Variants in FARS2 observed in about 807,000 individuals in gnomAD.
FARS2 encodes the protein phenylalanine--tRNA ligase, mitochondrial.
Under a neutral mutation model 46.4 loss-of-function variants are expected in FARS2, and 40 were observed. The observed-to-expected ratio is 0.86, with a 90% CI of 0.67 to 1.12. The LOEUF is 1.12. Among genes scored for constraint, FARS2 ranks in the 50% most tolerant of loss-of-function variants. FARS2 has a pLI of 0.00. For missense variants in FARS2, 513 were observed against 567.9 expected (o/e 0.90, Z 0.98); for synonymous variants, 234 against 214.9 (o/e 1.09, Z -0.78).
At chr6:5,318,385 A>AC (rs1769699206) in intron 1 of FARS2, among the ~76,000 whole-genome samples, 1 of 116,558 alleles carries the variant, frequency 8.6e-6, no homozygotes, top group Non-Finnish European at 1.8e-5. Context: ...GCAAAAAAAA[A>AC]CCAAAAAAAA....
At chr6:5,588,118 G>T (rs1034323991) in intron 5 of FARS2, among the ~76,000 whole-genome samples, 1 of 151,834 alleles carries the variant, frequency 6.6e-6, no homozygotes, top group African/African-American at 2.4e-5. Flanking sequence ...TAAAACATGG[G>T]TCCTTGTTCT....
chr6:5,373,722 G>A (rs1465795785), intron 2 of FARS2, among the ~76,000 whole-genome samples: 1 of 152,012 alleles, frequency 6.6e-6, no homozygotes, highest in Non-Finnish European at 1.5e-5. Flanking sequence ...GTAGCAGTAG[G>A]CCCATGTATC....
chr6:5,540,941 A>C lies in FARS2; in HGVS notation c.905-4239A>C, dbSNP rs544876486. On this transcript the variant is annotated intron_variant, in intron 4 of 6. Coordinates refer to ENST00000274680, the MANE Select transcript of FARS2 (RefSeq NM_006567.5). Reference sequence around the variant, plus strand: ...TGTTTAGAGAACTGTGGATAATCTGAGGTGGTGGGCCCAGCACCAGGTGTG... The same window carrying C: ...TGTTTAGAGAACTGTGGATAATCTGCGGTGGTGGGCCCAGCACCAGGTGTG... 3.3e-5 allele frequency among the ~76,000 whole-genome samples: 5 copies of C among 152,226 alleles called. No homozygotes were observed. The South Asian group carries it at 8.3e-4, about 25-fold the overall frequency.
At chr6:5,299,253 T>C (rs969232947) in intron 1 of FARS2, among the ~76,000 whole-genome samples, 2 of 152,244 alleles carry the variant, frequency 1.3e-5, no homozygotes, top group African/African-American at 4.8e-5. Context: ...TCATTTAGAC[T>C]GTCATCTCCT....
intron 6 of FARS2, among the ~76,000 whole-genome samples, chr6:5,687,010 GTATCTGTTCA>G (rs1173069679): frequency 6.6e-6 from 1 of 152,236 alleles, no homozygotes; most frequent in East Asian, 1.9e-4. Flanking sequence ...CTTTTGAGAA[GTATCTGTTCA>G]TATCCTTTGC....
At chr6:5,663,466 G>C (rs1226230274) in intron 6 of FARS2, among the ~76,000 whole-genome samples, 1 of 152,170 alleles carries the variant, frequency 6.6e-6, no homozygotes, top group Non-Finnish European at 1.5e-5. Context: ...CATTGACATT[G>C]GACAGGGCTT....
At chr6:5,399,127 T>TATTTTATTA (rs1202636806) in intron 2 of FARS2, among the ~76,000 whole-genome samples, 1 of 125,844 alleles carries the variant, frequency 7.9e-6, no homozygotes, top group Non-Finnish European at 1.6e-5. Flanking sequence ...TTTATATTAT[T>TATTTTATTA]TTATTATTAT....
At chr6:5,619,263 A>G (rs1775638066) in intron 6 of FARS2, among the ~76,000 whole-genome samples, 2 of 152,028 alleles carry the variant, frequency 1.3e-5, no homozygotes. Flanking sequence ...TGGGGAGTAA[A>G]ATTTTTTTTT....
chr6:5,600,205 G>C (rs9328321), intron 5 of FARS2, among the ~76,000 whole-genome samples: 1 of 152,034 alleles, frequency 6.6e-6, no homozygotes. Flanking sequence ...AAGGTTACCA[G>C]AATGATTGTT....
At chr6:5,522,853 A>G (rs935592928) in intron 4 of FARS2, among the ~76,000 whole-genome samples, 22 of 152,230 alleles carry the variant, frequency 1.4e-4, no homozygotes, top group African/African-American at 5.1e-4. Context: ...GTTTAACATG[A>G]TGTGCTACTC....
At chr6:5,496,857 TA>T (rs1403570699) in intron 4 of FARS2, among the ~76,000 whole-genome samples, 8 of 152,186 alleles carry the variant, frequency 5.3e-5, no homozygotes, top group African/African-American at 1.9e-4. Flanking sequence ...TATTTAATTT[TA>T]TTTTTTTAGA....
intron 4 of FARS2, among the ~76,000 whole-genome samples, chr6:5,487,430 A>T (rs749154912): frequency 6.6e-6 from 1 of 152,256 alleles, no homozygotes; most frequent in East Asian, 1.9e-4. Flanking sequence ...GTGTGCACTC[A>T]GCAACCATGT....
intron 4 of FARS2, among the ~76,000 whole-genome samples, chr6:5,505,737 C>T (rs1441385037): frequency 6.6e-6 from 1 of 152,104 alleles, no homozygotes; most frequent in South Asian, 2.1e-4. Flanking sequence ...CAACTTTGCA[C>T]TTGAGGAGCA....
At chr6:5,419,482 G>A (rs916377004) in intron 3 of FARS2, among the ~76,000 whole-genome samples, 3 of 97,186 alleles carry the variant, frequency 3.1e-5, no homozygotes, top group Admixed American at 1.0e-4. Flanking sequence ...GTTCTTTACC[G>A]TTTCTCTGTT....
At chr6:5,507,055 A>G (rs1768144368) in intron 4 of FARS2, among the ~76,000 whole-genome samples, 1 of 152,210 alleles carries the variant, frequency 6.6e-6, no homozygotes, top group Non-Finnish European at 1.5e-5. Context: ...TCTTTCTAAA[A>G]TCCGATTCAC....
At chr6:5,752,580 C>G (rs894550593) in intron 6 of FARS2, among the ~76,000 whole-genome samples, 11 of 152,244 alleles carry the variant, frequency 7.2e-5, no homozygotes, top group Non-Finnish European at 1.5e-4. Context: ...GCAAGGATCA[C>G]TGCCAGAGTG....
chr6:5,545,687 C>A (rs575907287), intron 5 of FARS2, among the ~76,000 whole-genome samples: 1 of 152,284 alleles, frequency 6.6e-6, no homozygotes, highest in East Asian at 1.9e-4. Context: ...TCAACTCCAA[C>A]TTATGAGTGA....
chr6:5,399,437 A>C (rs1761121615), intron 2 of FARS2, among the ~76,000 whole-genome samples: 1 of 151,974 alleles, frequency 6.6e-6, no homozygotes, highest in Non-Finnish European at 1.5e-5. Context: ...TGGCCTCCCA[A>C]AGTGCTGGGA....
chr6:5,698,261 C>T (rs1758220481), intron 6 of FARS2, among the ~76,000 whole-genome samples: 1 of 152,192 alleles, frequency 6.6e-6, no homozygotes, highest in Non-Finnish European at 1.5e-5. Flanking sequence ...CTAGGGAGGC[C>T]TCGGGAAGCT....
Sources: gnomAD v4.1 joint callset for allele counts (sites outside exome capture counted in the v4.1 genomes callset) on GRCh38, gnomAD v4.1.1 for gene constraint, MANE v1.5 for transcripts, NCBI Gene and HGNC (gene_info 2026-07-23, HGNC 2026-07-21) for gene names.